The following OR14I1 variants were observed in gnomAD, a reference collection of about 807,000 sequenced individuals.
OR14I1 encodes olfactory receptor family 14 subfamily I member 1.
For missense variants in OR14I1, 279 were observed against 181.8 expected (o/e 1.53, Z -3.07); for synonymous variants, 118 against 71.1 (o/e 1.66, Z -3.32).
chr1:248,689,651 A>C, the OR14I1 span, among the ~76,000 whole-genome samples: 1 of 152,148 alleles, frequency 6.6e-6, no homozygotes, highest in African/African-American at 2.4e-5. Flanking sequence ...CAAATAGTTA[A>C]AAGAAAAACT....
At chr1:248,697,808 C>CG in the OR14I1 span, among the ~76,000 whole-genome samples, 3 of 152,012 alleles carry the variant, frequency 2.0e-5, no homozygotes, top group Non-Finnish European at 2.9e-5. Context: ...CAAAAAACCA[C>CG]GGGGGCAATG....
At chr1:248,689,773 A>G in the OR14I1 span, among the ~76,000 whole-genome samples, 1 of 152,236 alleles carries the variant, frequency 6.6e-6, no homozygotes, top group African/African-American at 2.4e-5. Context: ...AACAGAATAT[A>G]CATTCTTCTC....
At chr1:248,684,442 G>A (rs905188676), upstream of OR14I1, among the ~76,000 whole-genome samples, 6 of 152,130 alleles carry the variant, frequency 3.9e-5, no homozygotes, top group Non-Finnish European at 4.4e-5. Flanking sequence ...CTGAAGATGC[G>A]CAAGTTTGAT....
the OR14I1 span, among the ~76,000 whole-genome samples, chr1:248,696,716 T>C: frequency 6.6e-6 from 1 of 152,210 alleles, no homozygotes; most frequent in Non-Finnish European, 1.5e-5. Flanking sequence ...CCGTGAATTA[T>C]CCCTACCCTG....
Position 248,682,185 on chromosome 1 carries a change from G to T in OR14I1, c.120C>A (p.Asn40Lys), listed in dbSNP as rs771374479. 5 of 780,914 alleles carry T rather than the reference G, an allele frequency of 6.4e-6. No homozygotes were observed. The East Asian group carries it at 7.3e-5, about 11-fold the overall frequency. The allele number at this position is 780,914 out of a possible 1,614,324, so 48.4% of individuals were successfully genotyped here. Residue 40 changes from asparagine to lysine, a missense_variant, in exon 1 of 1, where the codon AAC (asparagine) becomes AAA (lysine). By Grantham distance (94) the Asn-to-Lys change is moderately conservative. Coordinates refer to ENST00000342623, the Ensembl canonical transcript of OR14I1. ...GAGTGATGACTGCAATGATGAGCAG[G>T]TTCCCCACCAGCACTGCCAGATAAA...
At chr1:248,696,799 G>GT in the OR14I1 span, among the ~76,000 whole-genome samples, 2 of 151,712 alleles carry the variant, frequency 1.3e-5, no homozygotes, top group Admixed American at 1.3e-4. Flanking sequence ...TTTCTTCTTT[G>GT]TTTTTTTCTG....
chr1:248,696,183 A>C, the OR14I1 span, among the ~76,000 whole-genome samples: 1 of 152,212 alleles, frequency 6.6e-6, no homozygotes, highest in South Asian at 2.1e-4. Flanking sequence ...TTGGTGTCAC[A>C]TACTACTCAT....
At chr1:248,679,207 T>C (rs61107943), downstream of OR14I1, among the ~76,000 whole-genome samples, 20,924 of 152,046 alleles carry the variant, frequency 0.14, 1,491 homozygotes, top group African/African-American at 0.17. Context: ...TAGGAGAAGC[T>C]GGGTGAGCAC....
chr1:248,684,868 AAAACATTGAAC>A (rs1286899535), upstream of OR14I1, among the ~76,000 whole-genome samples: 2 of 109,430 alleles, frequency 1.8e-5, no homozygotes. Flanking sequence ...AAATAAGTTG[AAAACATTGAAC>A]AGTAATTATA....
At chr1:248,689,663 T>C in the OR14I1 span, among the ~76,000 whole-genome samples, 111,771 of 152,020 alleles carry the variant, frequency 0.74, 44,353 homozygotes, top group Non-Finnish European at 0.88. Context: ...AGAAAAACTT[T>C]ACCAATGAGA....
the OR14I1 span, among the ~76,000 whole-genome samples, chr1:248,690,247 T>C: frequency 6.6e-6 from 1 of 151,306 alleles, no homozygotes; most frequent in African/African-American, 2.4e-5. Flanking sequence ...CTGAAGGAAA[T>C]AGAGAAACAA....
chr1:248,696,668 AAAT>A, the OR14I1 span, among the ~76,000 whole-genome samples: 1 of 152,170 alleles, frequency 6.6e-6, no homozygotes. Context: ...TCCACTCAAA[AAAT>A]GTCCCTTTTT....
upstream of OR14I1, among the ~76,000 whole-genome samples, chr1:248,683,742 T>C (rs981024568): frequency 6.6e-6 from 1 of 152,240 alleles, no homozygotes; most frequent in Admixed American, 6.5e-5. Flanking sequence ...TTGAAAAGAA[T>C]TGCACTCTTG....
chr1:248,692,586 CCTTT>C, the OR14I1 span: 1 of 152,590 alleles, frequency 6.6e-6, no homozygotes, highest in Admixed American at 6.5e-5. Flanking sequence ...CCTCCAATCA[CCTTT>C]CTTTGTTGGG....
At chr1:248,686,245 G>A (rs973423273), upstream of OR14I1, among the ~76,000 whole-genome samples, 9 of 152,188 alleles carry the variant, frequency 5.9e-5, no homozygotes, top group Non-Finnish European at 1.0e-4. Flanking sequence ...TGACACAGCT[G>A]TTTTAAGTTG....
chr1:248,678,473 G>A (rs1465220722), downstream of OR14I1, among the ~76,000 whole-genome samples: 1 of 152,070 alleles, frequency 6.6e-6, no homozygotes, highest in East Asian at 1.9e-4. Context: ...GAAAACAACT[G>A]GAAAAATCTG....
At chr1:248,693,560 C>A in the OR14I1 span, among the ~76,000 whole-genome samples, 1 of 152,080 alleles carries the variant, frequency 6.6e-6, no homozygotes, top group Non-Finnish European at 1.5e-5. Context: ...GATATATTTT[C>A]TTCTCTTCTG....
chr1:248,697,199 T>A, the OR14I1 span: 1 of 152,208 alleles, frequency 6.6e-6, no homozygotes, highest in Non-Finnish European at 1.5e-5. Context: ...TCTGGCATCA[T>A]AAACACAGGT....
At chr1:248,695,999 G>A in the OR14I1 span, among the ~76,000 whole-genome samples, 13 of 152,096 alleles carry the variant, frequency 8.5e-5, no homozygotes, top group Non-Finnish European at 1.6e-4. Context: ...AACTGTGAAG[G>A]CCATCGCGAT....
Sources: gnomAD v4.1 joint callset for allele counts (sites outside exome capture counted in the v4.1 genomes callset) on GRCh38, gnomAD v4.1.1 for gene constraint, MANE v1.5 for transcripts, NCBI Gene and HGNC (gene_info 2026-07-23, HGNC 2026-07-21) for gene names.